Variants in GLT1D1 observed in about 807,000 individuals in gnomAD.
GLT1D1 encodes glycosyltransferase 1 domain-containing protein 1.
In GLT1D1, 21 loss-of-function variants were observed where a neutral mutation model predicts 28.7. That is an observed-to-expected ratio of 0.73 (90% CI 0.52 to 1.05). GLT1D1 has a LOEUF of 1.05. Among genes scored for constraint, GLT1D1 ranks in the 50% least tolerant of loss-of-function variants. GLT1D1 has a pLI of 0.00. For synonymous variants in GLT1D1, 147 were observed against 124.8 expected (o/e 1.18, Z -1.19); for missense variants, 343 against 330.6 (o/e 1.04, Z -0.29).
chr12:128,890,709 C>T (rs921841106), intron 3 of GLT1D1, among the ~76,000 whole-genome samples: 5 of 151,050 alleles, frequency 3.3e-5, no homozygotes, highest in African/African-American at 1.2e-4. Context: ...CACTTTAACC[C>T]AGGAGGTGGC....
chr12:128,903,288 T>C (rs1387530610), intron 4 of GLT1D1, among the ~76,000 whole-genome samples: 1 of 151,606 alleles, frequency 6.6e-6, no homozygotes, highest in Non-Finnish European at 1.5e-5. Flanking sequence ...CTGAGGCCTG[T>C]CTCCATGGGG....
At chr12:128,947,535 G>A (rs1285083728) in intron 6 of GLT1D1, 77 bp downstream of exon 10, 19 of 1,528,756 alleles carry the variant, frequency 1.2e-5, no homozygotes, top group South Asian at 1.0e-4. Flanking sequence ...CGGAGGTGAC[G>A]TCTTTGTCAA....
rs1330774875 is a variant in GLT1D1, at chr12:128,944,707, T to C, written c.376-619T>C. On this transcript the variant is annotated intron_variant, in intron 4 of 7. Coordinates refer to ENST00000281703, the MANE Select transcript of GLT1D1 (RefSeq NM_144669.3). Reference sequence around the variant, plus strand: ...ATCCAACAGCTAGACTGGGTGAGATTTTGCAGTTCCTGAAGGGCCACGCCA... The same window carrying C: ...ATCCAACAGCTAGACTGGGTGAGATCTTGCAGTTCCTGAAGGGCCACGCCA... The C allele has an allele frequency of 4.7e-5, 31 of 653,762 alleles. No homozygotes were observed. In the Admixed American group the frequency reaches 6.3e-4, roughly 13 times the overall value. The allele number at this position is 653,762 out of a possible 1,614,324, so 40.5% of individuals were successfully genotyped here. A position where few individuals can be genotyped will look rare whatever the true frequency, so the allele number is the denominator to read the frequency against.
At chr12:128,875,670 C>T (rs1474998793) in intron 1 of GLT1D1, among the ~76,000 whole-genome samples, 1 of 152,072 alleles carries the variant, frequency 6.6e-6, no homozygotes, top group Non-Finnish European at 1.5e-5. Flanking sequence ...TAGTGGTGCA[C>T]ACGTGTAGTC....
intron 4 of GLT1D1, among the ~76,000 whole-genome samples, chr12:128,908,346 C>CTT (rs1555266861): frequency 5.1e-5 from 6 of 116,858 alleles, no homozygotes; most frequent in East Asian, 2.7e-4. Context: ...TTCTTTCTTT[C>CTT]CCTTTCTTTC....
At chr12:128,881,593 T>TATAA (rs1232080188) in intron 2 of GLT1D1, among the ~76,000 whole-genome samples, 2 of 101,636 alleles carry the variant, frequency 2.0e-5, no homozygotes, top group Non-Finnish European at 1.9e-5. Flanking sequence ...TATATATATA[T>TATAA]AAAATTTATA....
In GLT1D1 at chr12:128,859,580, C is replaced by G. The variant is rs567089036; in HGVS notation, c.68+5931C>G. ...AGAGTGACCCTGCTCCACATGTGAA[C>G]AGGGCTTTGCTGATGAACCCTTCTC... On this transcript the variant is annotated intron_variant, in intron 1 of 7. Coordinates refer to ENST00000281703, the MANE Select transcript of GLT1D1 (RefSeq NM_144669.3). 2.2e-4 allele frequency among the ~76,000 whole-genome samples: 34 copies of G among 152,298 alleles called. No homozygotes were observed. In the South Asian group the frequency reaches 6.6e-3, roughly 30 times the overall value.
intron 7 of GLT1D1, among the ~76,000 whole-genome samples, chr12:128,962,900 C>T (rs758340562): frequency 3.9e-5 from 6 of 152,062 alleles, no homozygotes; most frequent in South Asian, 2.1e-4. Flanking sequence ...ACGGGTTTCA[C>T]CATATTGGCC....
At chr12:128,927,914 C>T (rs1257449965) in intron 4 of GLT1D1, among the ~76,000 whole-genome samples, 4 of 138,006 alleles carry the variant, frequency 2.9e-5, no homozygotes, top group East Asian at 4.6e-4. Context: ...GCAGGAGAAT[C>T]GCTTGAACCC....
At chr12:128,912,372 G>A in intron 4 of GLT1D1, 52 bp from the exon 5 acceptor site, 1 of 1,218,828 alleles carries the variant, frequency 8.2e-7, no homozygotes, top group Non-Finnish European at 1.1e-6. Context: ...AAAAGCAGTT[G>A]TCATGCACTG....
At chr12:128,944,573 C>A (rs922749329) in intron 4 of GLT1D1, 5 of 753,050 alleles carry the variant, frequency 6.6e-6, no homozygotes, top group Non-Finnish European at 9.9e-6. Flanking sequence ...ATCCAGTGAG[C>A]AGTAAGGCGT....
Position 128,879,372 on chromosome 12 carries a change from TTTTCTTTTTCTTTC to T in GLT1D1, c.217+3318_217+3331del, listed in dbSNP as rs1166138733. On this transcript the variant is annotated intron_variant, in intron 2 of 7. Coordinates refer to ENST00000281703, the MANE Select transcript of GLT1D1 (RefSeq NM_144669.3). ...TTCTGTAAAGTGATACTTATTATTT[TTTTCTTTTTCTTTC>T]TTTCTTTCTTTCTTTCTTTCTTTCT... 2.1e-4 allele frequency among the ~76,000 whole-genome samples: 30 copies of T among 141,382 alleles called. 1 individual carries two copies. The highest frequency in any genetic ancestry group is 7.2e-4 in the African/African-American group (25 of 34,962). The allele number at this position is 141,382 out of a possible 152,430, so 92.8% of individuals were successfully genotyped here. A position where few individuals can be genotyped will look rare whatever the true frequency, so the allele number is the denominator to read the frequency against.
intron 7 of GLT1D1, among the ~76,000 whole-genome samples, chr12:128,960,450 G>A (rs566897092): frequency 2.8e-4 from 42 of 152,308 alleles, no homozygotes; most frequent in African/African-American, 1.0e-3. Context: ...GGTTGCCAGT[G>A]TTGGCAAGAT....
chr12:128,959,578 G>A (rs142580928), intron 7 of GLT1D1, among the ~76,000 whole-genome samples: 1 of 152,166 alleles, frequency 6.6e-6, no homozygotes, highest in African/African-American at 2.4e-5. Context: ...GAGGGAAATA[G>A]CAAAGGTGGG....
chr12:128,877,489 C>T (rs1393000532), intron 2 of GLT1D1, among the ~76,000 whole-genome samples: 1 of 152,136 alleles, frequency 6.6e-6, no homozygotes, highest in East Asian at 1.9e-4. Context: ...GAAGTTGAGC[C>T]CTCTCTGAAC....
At chr12:128,904,460 A>G (rs1258035848) in intron 4 of GLT1D1, among the ~76,000 whole-genome samples, 2 of 151,646 alleles carry the variant, frequency 1.3e-5, no homozygotes, top group Non-Finnish European at 2.9e-5. Context: ...GAGGAACTGA[A>G]TCATTTGGTT....
chr12:128,895,558 G>A (rs546680547), intron 3 of GLT1D1, among the ~76,000 whole-genome samples: 1 of 151,664 alleles, frequency 6.6e-6, no homozygotes, highest in East Asian at 1.9e-4. Context: ...CTGGGTTCAA[G>A]CTATTCTCCT....
chr12:128,879,372 TTTTCTTTTTC>T (rs1418437885), intron 2 of GLT1D1, among the ~76,000 whole-genome samples: 15 of 141,382 alleles, frequency 1.1e-4, no homozygotes, highest in African/African-American at 4.0e-4. Flanking sequence ...CTTATTATTT[TTTTCTTTTTC>T]TTTCTTTCTT....
At chr12:128,926,995 G>T (rs992674819) in intron 4 of GLT1D1, 110 bp from the exon 8 acceptor site, 1 of 645,286 alleles carries the variant, frequency 1.5e-6, no homozygotes, top group African/African-American at 1.8e-5. Flanking sequence ...AAAGCCAAAT[G>T]ATATGAAATA....
Sources: allele counts gnomAD v4.1 joint callset (sites outside exome capture counted in the v4.1 genomes callset), GRCh38; gene constraint gnomAD v4.1.1; transcripts MANE v1.5; gene names NCBI Gene and HGNC (gene_info 2026-07-23, HGNC 2026-07-21).